PTPRK: variants seen among roughly 807,000 people sequenced by gnomAD.
PTPRK encodes the protein protein tyrosine phosphatase receptor type K.
A neutral mutation model predicts 178.0 loss-of-function variants in PTPRK; 75 were observed. That is an observed-to-expected ratio of 0.42 (90% confidence interval 0.35 to 0.51). The LOEUF (loss-of-function observed/expected upper bound fraction) is 0.51, where lower values mean the gene tolerates loss of function less well. Ranked by LOEUF, PTPRK falls within the 20% of genes least tolerant of loss-of-function variation. The probability of loss-of-function intolerance (pLI) is 0.02; values close to 1 mark genes in which losing one functional copy is unlikely to be tolerated. For missense variants in PTPRK, 1,441 were observed against 1,797.8 expected, an observed-to-expected ratio of 0.80 and a Z score of 3.59; for synonymous variants, 637 against 620.6, an observed-to-expected ratio of 1.03 and a Z score of -0.39.
At chr6:128,438,887 G>A (rs1345051653) in intron 1 of PTPRK, among the ~76,000 whole-genome samples, 2 of 151,912 alleles carry the variant, frequency 1.3e-5, no homozygotes, top group Non-Finnish European at 2.9e-5. Context: ...ATCAACTCTG[G>A]GAAGAAGTTT....
chr6:128,238,086 G>T (rs921035729), intron 5 of PTPRK: 2 of 439,588 alleles, frequency 4.5e-6, no homozygotes, highest in Middle Eastern at 3.3e-4. Context: ...AATAGCTTTT[G>T]AATAAATTAA....
intron 14 of PTPRK, among the ~76,000 whole-genome samples, chr6:128,008,288 CT>C (rs577523017): frequency 1.7e-3 from 253 of 151,004 alleles, no homozygotes; most frequent in African/African-American, 5.8e-3. Flanking sequence ...ATCACAACCA[CT>C]TCTATACACC....
chr6:128,365,992 G>A (rs1034946425), intron 2 of PTPRK, among the ~76,000 whole-genome samples: 1 of 152,126 alleles, frequency 6.6e-6, no homozygotes, highest in African/African-American at 2.4e-5. Flanking sequence ...AACTGAGCCA[G>A]ATTTCCTCTA....
At chr6:128,038,791 T>G (rs892195846) in intron 13 of PTPRK, among the ~76,000 whole-genome samples, 1 of 152,198 alleles carries the variant, frequency 6.6e-6, no homozygotes, top group Non-Finnish European at 1.5e-5. Flanking sequence ...AACAGTTAAC[T>G]GCGTTTGTCT....
chr6:128,494,624 G>A (rs1854392526), intron 1 of PTPRK, among the ~76,000 whole-genome samples: 1 of 152,164 alleles, frequency 6.6e-6, no homozygotes, highest in Non-Finnish European at 1.5e-5. Flanking sequence ...GAGAAAAAAT[G>A]TTTACAGGAT....
At chr6:128,406,221 C>T (rs867977042) in intron 1 of PTPRK, among the ~76,000 whole-genome samples, 2 of 151,970 alleles carry the variant, frequency 1.3e-5, no homozygotes, top group Middle Eastern at 3.4e-3. Flanking sequence ...CCACTGCACT[C>T]CAGCCTGGGT....
intron 1 of PTPRK, among the ~76,000 whole-genome samples, chr6:128,418,054 T>C (rs73589565): frequency 0.014 from 2,120 of 152,326 alleles, 45 homozygotes; most frequent in African/African-American, 0.048. Context: ...AACATTCTAT[T>C]AGACACTGTA....
At chr6:128,392,769 T>C (rs932688796) in intron 2 of PTPRK, among the ~76,000 whole-genome samples, 5 of 151,928 alleles carry the variant, frequency 3.3e-5, no homozygotes, top group African/African-American at 7.2e-5. Flanking sequence ...GAAAGAAATA[T>C]GAAAAGAGAA....
At chr6:128,474,205 C>CAAACAAA (rs3059156) in intron 1 of PTPRK, among the ~76,000 whole-genome samples, 1 of 151,568 alleles carries the variant, frequency 6.6e-6, no homozygotes, top group Non-Finnish European at 1.5e-5. Context: ...AACAAACAAA[C>CAAACAAA]CCTGAAAGTC....
At chr6:128,330,135 T>C (rs77962758) in intron 2 of PTPRK, among the ~76,000 whole-genome samples, 3,698 of 152,240 alleles carry the variant, frequency 0.024, 68 homozygotes, top group Middle Eastern at 0.065. Flanking sequence ...CACTATACAA[T>C]AATATTGCTT....
chr6:128,152,259 C>T (rs779393927), intron 7 of PTPRK, among the ~76,000 whole-genome samples: 4 of 151,950 alleles, frequency 2.6e-5, no homozygotes, highest in Non-Finnish European at 5.9e-5. Context: ...AAGAATGGGA[C>T]GTCGTCAGAG....
At chr6:128,305,079 G>C (rs1394950172) in intron 3 of PTPRK, among the ~76,000 whole-genome samples, 3 of 151,978 alleles carry the variant, frequency 2.0e-5, no homozygotes, top group Non-Finnish European at 4.4e-5. Context: ...ATGCTATAAA[G>C]ATGAGCTAAA....
Position 128,228,776 on chromosome 6 carries a change from G to A in PTPRK, c.694-9680C>T, listed in dbSNP as rs1811830022. 2.6e-5 allele frequency among the ~76,000 whole-genome samples: 4 copies of A among 151,992 alleles called. No homozygotes were observed. The South Asian group carries it at 6.2e-4, about 24-fold the overall frequency. On this transcript the variant is annotated intron_variant, in intron 5 of 29. Transcript: ENST00000368226. The stretch of plus-strand genomic sequence containing the variant: ...ACATACCTGATGACAGTATCTCAGA[G>A]TGACCTACTGTGATACATATTCTGG...
At chr6:128,082,897 A>T (rs1440518408) in intron 9 of PTPRK, among the ~76,000 whole-genome samples, 1 of 152,204 alleles carries the variant, frequency 6.6e-6, no homozygotes, top group East Asian at 1.9e-4. Flanking sequence ...CCATCAAAAA[A>T]ACCACAATAA....
intron 2 of PTPRK, among the ~76,000 whole-genome samples, chr6:128,357,662 C>G (rs1331281024): frequency 6.6e-6 from 1 of 152,226 alleles, no homozygotes; most frequent in Admixed American, 6.5e-5. Flanking sequence ...GACATCAACA[C>G]CACCCAAATA....
chr6:128,427,888 C>G (rs371092477), intron 1 of PTPRK, among the ~76,000 whole-genome samples: 2 of 152,004 alleles, frequency 1.3e-5, no homozygotes, highest in African/African-American at 4.8e-5. Flanking sequence ...GTCAGGAGAT[C>G]GAGAGCATCC....
chr6:128,236,646 C>T (rs957438322), intron 5 of PTPRK, among the ~76,000 whole-genome samples: 5 of 152,036 alleles, frequency 3.3e-5, no homozygotes, highest in Admixed American at 3.3e-4. Flanking sequence ...TGCGCCCGAC[C>T]CTAAATTTCT....
chr6:128,004,902 A>G (rs1382790939), intron 15 of PTPRK, 182 bp downstream of exon 15: 1 of 565,184 alleles, frequency 1.8e-6, no homozygotes, highest in Non-Finnish European at 3.1e-6. Context: ...AACTAAATCC[A>G]GTATCAATCT....
chr6:128,360,127 G>A (rs1048006540), intron 2 of PTPRK, among the ~76,000 whole-genome samples: 5 of 152,118 alleles, frequency 3.3e-5, no homozygotes, highest in Non-Finnish European at 4.4e-5. Flanking sequence ...AGCACTTTAA[G>A]ACAACCCATG....
Sources: gnomAD v4.1 joint callset for allele counts (sites outside exome capture counted in the v4.1 genomes callset) on GRCh38, gnomAD v4.1.1 for gene constraint, MANE v1.5 for transcripts, NCBI Gene and HGNC (gene_info 2026-07-23, HGNC 2026-07-21) for gene names.